The following RGS22 variants were observed in gnomAD, a reference collection of about 807,000 sequenced individuals.
The protein encoded by RGS22 is regulator of G-protein signaling 22.
RGS22 carries 148 observed loss-of-function variants against 172.9 expected under a neutral mutation model. That is an observed-to-expected ratio of 0.86 (90% CI 0.75 to 0.98). RGS22 has a LOEUF of 0.98. RGS22 is among the 50% of genes least tolerant of loss of function. The pLI, the probability that RGS22 is intolerant of heterozygous loss-of-function variation, is 0.00. For missense variants in RGS22, 1,347 were observed against 1,440.8 expected (o/e 0.93, Z 1.05); for synonymous variants, 458 against 480.2 (o/e 0.95, Z 0.60).
intron 4 of RGS22, among the ~76,000 whole-genome samples, chr8:100,079,516 A>T (rs1811592398): frequency 6.6e-6 from 1 of 152,234 alleles, no homozygotes; most frequent in South Asian, 2.1e-4. Flanking sequence ...GTGAAATAGT[A>T]TTGTTAAACA....
At chr8:99,971,009 C>T (rs901186637) in intron 23 of RGS22, among the ~76,000 whole-genome samples, 2 of 152,186 alleles carry the variant, frequency 1.3e-5, no homozygotes, top group African/African-American at 4.8e-5. Context: ...TCCAGCAGTA[C>T]ATCAAAAAGC....
At chr8:100,068,233 T>A (rs1297342593) in intron 6 of RGS22, among the ~76,000 whole-genome samples, 3 of 151,788 alleles carry the variant, frequency 2.0e-5, no homozygotes, top group Non-Finnish European at 2.9e-5. Flanking sequence ...AATAATTTTT[T>A]AAAAATTAGC....
At chr8:100,102,025 T>C (rs1376158100) in intron 2 of RGS22, among the ~76,000 whole-genome samples, 1 of 152,208 alleles carries the variant, frequency 6.6e-6, no homozygotes, top group African/African-American at 2.4e-5. Flanking sequence ...ATCCTCAAGA[T>C]GCCACATCCA....
intron 2 of RGS22, among the ~76,000 whole-genome samples, chr8:100,100,291 A>ATTT (rs764067983): frequency 0.12 from 15,744 of 136,864 alleles, 1,031 homozygotes; most frequent in African/African-American, 0.15. Context: ...TTTTTTTCTG[A>ATTT]TTTTTTTTTT....
At chr8:100,076,312 T>A (rs1811345029) in intron 4 of RGS22, among the ~76,000 whole-genome samples, 1 of 152,224 alleles carries the variant, frequency 6.6e-6, no homozygotes, top group Non-Finnish European at 1.5e-5. Context: ...ACACCTGTAT[T>A]ATCTTCTTAA....
chr8:99,991,769 A>G (rs1477765306), intron 20 of RGS22, among the ~76,000 whole-genome samples: 2 of 152,126 alleles, frequency 1.3e-5, no homozygotes, highest in African/African-American at 4.8e-5. Context: ...TACAGAATAC[A>G]CCAGAAAGAT....
rs141555687 is a variant in RGS22, at chr8:99,999,556, T to A, written c.2791-136A>T. On this transcript the variant is annotated intron_variant, in intron 18 of 27. Transcript: ENST00000360863. ...CAATTTTCATTTTCTGTATAACATC[T>A]CCTGGCTATACTGAGCAATAATTCC... The A allele has an allele frequency of 3.5e-5, 27 of 775,578 alleles. No individual in the cohort carries two copies. In the East Asian group the frequency reaches 7.2e-4, roughly 21 times the overall value. The allele number at this position is 775,578 out of a possible 1,614,324, so 48.0% of individuals were successfully genotyped here.
At chr8:100,041,763 A>C (rs1358658159) in intron 12 of RGS22, 39 bp downstream of exon 12, 1 of 1,093,938 alleles carries the variant, frequency 9.1e-7, no homozygotes, top group Non-Finnish European at 1.4e-6. Context: ...TGATCAGTTA[A>C]ATGAAGAATC....
chr8:100,047,029 T>C (rs972295528), intron 11 of RGS22, among the ~76,000 whole-genome samples: 1 of 152,098 alleles, frequency 6.6e-6, no homozygotes, highest in Non-Finnish European at 1.5e-5. Context: ...TTACCTAGGC[T>C]GGTCTCAAGC....
chr8:99,990,768 G>A (rs1016353758), intron 20 of RGS22, among the ~76,000 whole-genome samples: 11 of 152,162 alleles, frequency 7.2e-5, no homozygotes, highest in South Asian at 2.1e-4. Context: ...CTCCCAGCAC[G>A]GCATTTGAGC....
intron 23 of RGS22, among the ~76,000 whole-genome samples, chr8:99,977,270 A>ATTTCTTTTTTTTTTTT (rs1428079850): frequency 1.7e-5 from 2 of 120,390 alleles, no homozygotes; most frequent in Non-Finnish European, 3.4e-5. Flanking sequence ...CGCCCGGTTA[A>ATTTCTTTTTTTTTTTT]TTTTTTTTTT....
chr8:100,072,539 G>A (rs556821384), intron 4 of RGS22, among the ~76,000 whole-genome samples: 1 of 152,110 alleles, frequency 6.6e-6, no homozygotes, highest in African/African-American at 2.4e-5. Context: ...GGGAAAAAAA[G>A]CCAATGCATC....
At chr8:99,995,327 G>A (rs544728881) in intron 20 of RGS22, among the ~76,000 whole-genome samples, 4 of 152,180 alleles carry the variant, frequency 2.6e-5, no homozygotes, top group Admixed American at 2.6e-4. Context: ...GAGTGAACAG[G>A]CAACCTACAA....
At chr8:100,074,855 C>A (rs1231155767) in intron 4 of RGS22, among the ~76,000 whole-genome samples, 1 of 152,004 alleles carries the variant, frequency 6.6e-6, no homozygotes, top group Admixed American at 6.6e-5. Flanking sequence ...GCAAGTTCTG[C>A]CTCCCAGGTT....
At chr8:100,088,079 C>A (rs1812293278) in intron 3 of RGS22, among the ~76,000 whole-genome samples, 1 of 152,016 alleles carries the variant, frequency 6.6e-6, no homozygotes, top group Admixed American at 6.6e-5. Flanking sequence ...TGCATTCCCC[C>A]AAAATATACT....
chr8:100,015,293 C>CT (rs774803170), intron 14 of RGS22, among the ~76,000 whole-genome samples: 14 of 151,842 alleles, frequency 9.2e-5, no homozygotes, highest in Admixed American at 8.5e-4. Context: ...CTTTTCTTTT[C>CT]TTTCTTTCTT....
intron 14 of RGS22, among the ~76,000 whole-genome samples, chr8:100,013,586 CA>C (rs1816649133): frequency 6.6e-6 from 1 of 152,106 alleles, no homozygotes. Flanking sequence ...TGATTGTATC[CA>C]ATTGCCTTGG....
At chr8:100,024,715 T>C (rs1222480563) in intron 14 of RGS22, among the ~76,000 whole-genome samples, 1 of 152,248 alleles carries the variant, frequency 6.6e-6, no homozygotes, top group Non-Finnish European at 1.5e-5. Context: ...GTTAAGAGTA[T>C]AGGGTCTGGA....
intron 3 of RGS22, 173 bp downstream of exon 3, chr8:100,093,274 T>A (rs1531370): frequency 0.13 from 63,699 of 495,176 alleles, 5,133 homozygotes; most frequent in African/African-American, 0.29. Context: ...AATTTCTAAA[T>A]ATGATTCAAA....
Sources: allele counts gnomAD v4.1 joint callset (sites outside exome capture counted in the v4.1 genomes callset), GRCh38; gene constraint gnomAD v4.1.1; transcripts MANE v1.5; gene names NCBI Gene and HGNC (gene_info 2026-07-23, HGNC 2026-07-21).